The following LRP4 variants were observed in gnomAD, a reference collection of about 807,000 sequenced individuals.
The protein encoded by LRP4 is LDL receptor related protein 4, also known as low-density lipoprotein receptor-related protein 4.
In LRP4, 95 loss-of-function variants were observed where a neutral mutation model predicts 220.3. The observed-to-expected ratio is 0.43, with a 90% CI of 0.37 to 0.51. LRP4 has a LOEUF of 0.51. Ranked by LOEUF, LRP4 falls within the 20% of genes least tolerant of loss-of-function variation. LRP4 has a pLI of 0.00. For missense variants in LRP4, 1,925 were observed against 2,567.0 expected (o/e 0.75, Z 5.40); for synonymous variants, 903 against 954.6 (o/e 0.95, Z 1.00).
chr11:46,899,163 C>A lies in LRP4; in HGVS notation c.548-131G>T. ...CAAGTGAGATGTAACCAGGTTTCATCTGGGACAGCCCTTATAGACGCCCAT... is the reference window on the plus strand; with the variant it reads ...CAAGTGAGATGTAACCAGGTTTCATATGGGACAGCCCTTATAGACGCCCAT... On this transcript the variant is annotated intron_variant, in intron 5 of 37. Transcript: ENST00000378623. The surrounding 1 kb of genome is among the most constrained non-coding windows in gnomAD (Gnocchi z 5.9). 1 of 974,998 alleles carries A rather than the reference C, an allele frequency of 1.0e-6. No homozygotes were observed. Among genetic ancestry groups the A allele is most frequent in the East Asian group, 2.4e-5 (1 of 41,266 alleles). 60.4% of individuals were successfully genotyped at this position (974,998 alleles called of 1,614,324 possible).
At chr11:46,861,920 T>C (rs1366560630) in intron 37 of LRP4, among the ~76,000 whole-genome samples, 2 of 151,624 alleles carry the variant, frequency 1.3e-5, no homozygotes, top group African/African-American at 2.4e-5. Flanking sequence ...AATACAAAAT[T>C]AGCCGGGCAT....
chr11:46,889,911 C>A (rs1941383523), intron 15 of LRP4, 33 bp downstream of exon 15: 2 of 1,613,660 alleles, frequency 1.2e-6, no homozygotes, highest in East Asian at 2.2e-5. Flanking sequence ...AACCATGAGG[C>A]TACTTTGGCT....
chr11:46,884,554 G>C (rs1273985300), intron 18 of LRP4, among the ~76,000 whole-genome samples: 4 of 152,134 alleles, frequency 2.6e-5, no homozygotes, highest in Non-Finnish European at 5.9e-5. Flanking sequence ...GGCTAACATG[G>C]TGAAACCCCG....
intron 11 of LRP4, 46 bp from the exon 12 acceptor site, chr11:46,894,865 G>T (rs748494955): frequency 6.6e-7 from 1 of 1,520,080 alleles, no homozygotes; most frequent in Non-Finnish European, 9.1e-7. Context: ...TTTCAGAGCC[G>T]CCCCTGGTAC....
chr11:46,879,342 C>T, intron 20 of LRP4, 27 bp from the exon 21 acceptor site: 1 of 1,612,708 alleles, frequency 6.2e-7, no homozygotes, highest in Non-Finnish European at 8.5e-7. Context: ...ACTGTGTCAT[C>T]TTCAACAAAG....
At position 46,857,847 on chromosome 11, in the gene LRP4, C is replaced by A. The variant is rs991339698; in HGVS notation, c.*1136G>T. 6.6e-6 allele frequency: 1 copy of A among 152,598 alleles called. No individual in the cohort carries two copies. Among genetic ancestry groups the A allele is most frequent in the African/African-American group, 2.4e-5 (1 of 41,436 alleles). The allele number at this position is 152,598 out of a possible 1,614,324, so 9.5% of individuals were successfully genotyped here. ...TCACCACCCCGTAGCCACAGGCTTG[C>A]TGTCCACTAACTTAGATCCCTGAGC... On this transcript the variant is annotated 3_prime_UTR_variant, in exon 38 of 38. Coordinates refer to ENST00000378623, the MANE Select transcript of LRP4 (RefSeq NM_002334.4).
chr11:46,890,287 G>A lies in LRP4; in HGVS notation c.1905C>T (p.Val635=). Residue 635 remains valine (V), a synonymous_variant, in exon 14 of 38, where the codon GTC becomes GTT. Transcript: ENST00000378623. The surrounding 1 kb of genome is among the most constrained non-coding windows in gnomAD (Gnocchi z 5.3). ...ANLDGSHRKA[V]ISQGLPHPFA... ...AAGGAAGGGGCTCACCCTGGCTAAT[G>A]ACAGCCTTACGGTGACTCCCATCCA... 1 of 1,614,126 alleles carries A rather than the reference G, an allele frequency of 6.2e-7. No individual in the cohort carries two copies. Among genetic ancestry groups the A allele is most frequent in the Non-Finnish European group, 8.5e-7 (1 of 1,179,990 alleles).
At chr11:46,865,276 G>A in intron 34 of LRP4, 90 bp from the exon 35 acceptor site, 1 of 895,570 alleles carries the variant, frequency 1.1e-6, no homozygotes, top group East Asian at 2.6e-5. Context: ...GCCTGTAAGT[G>A]GGGGCTTTCA....
rs945107906 is a variant in LRP4, at chr11:46,886,436, G to C, written c.2313C>G (p.Asp771Glu). ...DLSDDVIPLA[D>E]VRSAVALDWD... ...AGTCAAGGGCCACAGCACTGCGCAC[G>C]TCAGCCAGTGGGATGACATCATCAG... Residue 771 changes from aspartate (D) to glutamate (E), a missense_variant, in exon 17 of 38, where the codon GAC becomes GAG. Around this residue, in one of 3 missense-constraint regions of LRP4, gnomAD observed 1,244 missense variants for 1,624.9 expected, o/e 0.77. Transcript: ENST00000378623. 6.2e-7 allele frequency: 1 copy of C among 1,613,890 alleles called. No homozygotes were observed. Among genetic ancestry groups the C allele is most frequent in the Admixed American group, 1.7e-5 (1 of 59,982 alleles).
chr11:46,877,443 C>T (rs1307055705), intron 22 of LRP4, 104 bp from the exon 23 acceptor site: 3 of 1,166,976 alleles, frequency 2.6e-6, no homozygotes, highest in Non-Finnish European at 3.8e-6. Flanking sequence ...TAGTTTCTAG[C>T]TATGTTATTC....
At chr11:46,895,629 A>C (rs1941511404) in intron 10 of LRP4, among the ~76,000 whole-genome samples, 1 of 152,200 alleles carries the variant, frequency 6.6e-6, no homozygotes, top group African/African-American at 2.4e-5. Flanking sequence ...TAAGGGCTTT[A>C]AGGTCATGCA....
chr11:46,875,811 T>C lies in LRP4; in HGVS notation c.3692A>G (p.His1231Arg). 1 of 1,614,058 alleles carries C rather than the reference T, an allele frequency of 6.2e-7. No individual in the cohort carries two copies. Among genetic ancestry groups the C allele is most frequent in the South Asian group, 1.1e-5 (1 of 91,066 alleles). The change falls in exon 26 of 38, where the codon CAC becomes CGC. Residue 1231 changes from histidine to arginine, a missense_variant. By Grantham distance (29) the His-to-Arg change is conservative (BLOSUM62 0). This residue lies in a region of LRP4 where 1,244 missense variants were observed against 1,624.9 expected (regional missense o/e 0.77). Transcript: ENST00000378623. The surrounding 1 kb of genome is among the most constrained non-coding windows in gnomAD (Gnocchi z 4.5). ...ASSQLLWADA[H>R]TERIEAADLN... ...CAGGGACACGGCTCTCACCTCGGTGTGGGCATCGGCCCATAGCAGTTGGGA... is the reference window on the plus strand; with the variant it reads ...CAGGGACACGGCTCTCACCTCGGTGCGGGCATCGGCCCATAGCAGTTGGGA...
At chr11:46,897,070 C>CT in intron 7 of LRP4, 76 bp from the exon 8 acceptor site, 1 of 1,590,100 alleles carries the variant, frequency 6.3e-7, no homozygotes, top group Non-Finnish European at 8.6e-7. Context: ...AAATCTGCAG[C>CT]TTATATCAGT....
In LRP4 at chr11:46,868,165, A is replaced by G. The variant is rs370413044; in HGVS notation, c.4952-51T>C. The G allele has an allele frequency of 1.3e-5, 21 of 1,610,660 alleles. No individual in the cohort carries two copies. The Admixed American group carries it at 3.5e-4, about 27-fold the overall frequency. On this transcript the variant is annotated intron_variant, in intron 33 of 37. Coordinates refer to ENST00000378623, the MANE Select transcript of LRP4 (RefSeq NM_002334.4). Reference sequence around the variant, plus strand: ...GGCCACTGGAACCATAAACATCTACATATGGCCCAAGAGTAGCAGCTGGAG... The same window carrying G: ...GGCCACTGGAACCATAAACATCTACGTATGGCCCAAGAGTAGCAGCTGGAG...
rs1169012840 is a variant in LRP4, at chr11:46,918,117, C to T, written c.52+211G>A. On this transcript the variant is annotated intron_variant, in intron 1 of 37. Transcript: ENST00000378623. The surrounding 1 kb of genome is among the most constrained non-coding windows in gnomAD (Gnocchi z 6.0). ...CCAGACCCGCGCCCCGGCCCAGACC[C>T]GAACCCGCGGAAGCGCCTCCGCTGA... Among the ~76,000 whole-genome samples the T allele has an allele frequency of 6.6e-6, 1 of 151,930 alleles. No individual in the cohort carries two copies. Among genetic ancestry groups the T allele is most frequent in the African/African-American group, 2.4e-5 (1 of 41,374 alleles).
In LRP4 at chr11:46,918,375, C is replaced by T. The variant is rs1297553790; in HGVS notation, c.5G>A (p.Arg2Lys). Residue 2 changes from arginine to lysine, a missense_variant, in exon 1 of 38, where the codon AGG becomes AAG. Arg to Lys is a conservative substitution (Grantham distance 26). Transcript: ENST00000378623. The surrounding 1 kb of genome is among the most constrained non-coding windows in gnomAD (Gnocchi z 6.0). Reference protein sequence around the residue: MRRQWGALLLGA... With the variant: MKRQWGALLLGA... ...AAGCAGCAGCGCGCCCCACTGCCGCCTCATGGTGCCGCCCGCGCCGCTCGC... is the reference window on the plus strand; with the variant it reads ...AAGCAGCAGCGCGCCCCACTGCCGCTTCATGGTGCCGCCCGCGCCGCTCGC... 2 of 1,465,304 alleles carry T rather than the reference C, an allele frequency of 1.4e-6. No homozygotes were observed. Among genetic ancestry groups the T allele is most frequent in the Admixed American group, 2.3e-5 (1 of 42,598 alleles). 90.8% of individuals were successfully genotyped at this position (1,465,304 alleles called of 1,614,324 possible). A position where few individuals can be genotyped will look rare whatever the true frequency, so the allele number is the denominator to read the frequency against.
At chr11:46,917,358 A>T (rs774348459) in intron 1 of LRP4, among the ~76,000 whole-genome samples, 13 of 152,192 alleles carry the variant, frequency 8.5e-5, no homozygotes, top group African/African-American at 1.2e-4. Flanking sequence ...TTCAAAGATC[A>T]AAGTTCTTTG....
chr11:46,892,862 G>A (rs1565794813), intron 13 of LRP4, 111 bp downstream of exon 13: 6 of 1,359,142 alleles, frequency 4.4e-6, no homozygotes, highest in South Asian at 1.3e-5. Flanking sequence ...GAGCCACCGC[G>A]CCCAGCTACA....
chr11:46,898,616 T>C lies in LRP4; in HGVS notation c.738A>G (p.Ala246=). ...FMCDSGLCIN[A]GWRCDGDADC... ...CCGCGTCACCATCGCAGCGCCAGCC[T>C]GCATTGATGCACAGGCCACTGTCAC... The change falls in exon 7 of 38, where the codon GCA becomes GCG. Residue 246 remains alanine (A), a synonymous_variant. Transcript: ENST00000378623. 1 of 1,614,160 alleles carries C rather than the reference T, an allele frequency of 6.2e-7. No individual in the cohort carries two copies. Among genetic ancestry groups the C allele is most frequent in the Non-Finnish European group, 8.5e-7 (1 of 1,180,014 alleles).
Sources: gnomAD v4.1 joint callset for allele counts (sites outside exome capture counted in the v4.1 genomes callset) on GRCh38, gnomAD v4.1.1 for gene constraint, gnomAD v4.1.1 regional missense constraint, Gnocchi (gnomAD v3.1) non-coding constraint, MANE v1.5 for transcripts, NCBI Gene and HGNC (gene_info 2026-07-23, HGNC 2026-07-21) for gene names.